PGM2L1: variants seen among roughly 807,000 people sequenced by gnomAD.
PGM2L1 encodes glucose 1,6-bisphosphate synthase.
In PGM2L1, 35 loss-of-function variants were observed where a neutral mutation model predicts 73.4. The observed-to-expected ratio is 0.48, with a 90% CI of 0.36 to 0.63. PGM2L1 has a LOEUF of 0.63. PGM2L1 is among the 30% of genes least tolerant of loss of function. PGM2L1 has a pLI of 0.00. For synonymous variants in PGM2L1, 225 were observed against 253.8 expected, an observed-to-expected ratio of 0.89 and a Z score of 1.08; for missense variants, 570 against 742.0, an observed-to-expected ratio of 0.77 and a Z score of 2.69.
At position 74,347,337 on chromosome 11, in the gene PGM2L1, C is replaced by A; in HGVS notation, c.750G>T (p.Arg250Ser). ...MEDLKKICFY[R>S]ELNSKTTLKF... ...TCAAGGTGGTCTTCGAGTTTAACTC[C>A]CTGTAAAGGAAAATCAACATAAGAT... is the stretch of plus-strand genomic sequence containing the variant. The change falls in exon 7 of 14, where the codon AGG becomes AGT. Residue 250 changes from arginine to serine, a missense_variant and splice_region_variant. Transcript: ENST00000298198. 1.9e-6 allele frequency: 3 copies of A among 1,579,038 alleles called. No individual in the cohort carries two copies. The highest frequency in any genetic ancestry group is 2.4e-5 in the South Asian group (2 of 83,738).
intron 12 of PGM2L1, among the ~76,000 whole-genome samples, 186 bp downstream of exon 12, chr11:74,342,275 C>A (rs1260648012): frequency 6.6e-6 from 1 of 152,112 alleles, no homozygotes; most frequent in South Asian, 2.1e-4. Flanking sequence ...CCCAACCCCA[C>A]CCCTAGTACA....
chr11:74,379,529 T>C (rs1325911720), intron 1 of PGM2L1, among the ~76,000 whole-genome samples: 1 of 152,216 alleles, frequency 6.6e-6, no homozygotes, highest in African/African-American at 2.4e-5. Flanking sequence ...ACTCTATTAG[T>C]ATTCTAGTAC....
At position 74,336,423 on chromosome 11, in the gene PGM2L1, CTT is replaced by C. The variant is rs769837928; in HGVS notation, c.*227_*228del. 223 of 315,902 alleles carry C rather than the reference CTT, an allele frequency of 7.1e-4. 1 individual carries two copies. The highest frequency in any genetic ancestry group is 1.0e-3 in the Non-Finnish European group (172 of 172,864). 19.6% of individuals were successfully genotyped at this position (315,902 alleles called of 1,614,324 possible). A position where few individuals can be genotyped will look rare whatever the true frequency, so the allele number is the denominator to read the frequency against. ...TACTATAATACTTTTAGTGTAATAA[CTT>C]TTGTTTGAATTATGAAAAAATTTGA... On this transcript the variant is annotated 3_prime_UTR_variant, in exon 14 of 14. Transcript: ENST00000298198.
Position 74,338,370 on chromosome 11 carries a change from C to A in PGM2L1, c.1766+98G>T. The A allele has an allele frequency of 2.6e-6, 3 of 1,147,890 alleles. No individual in the cohort carries two copies. The South Asian group carries it at 8.1e-5, about 31-fold the overall frequency. 71.1% of individuals were successfully genotyped at this position (1,147,890 alleles called of 1,614,324 possible). On this transcript the variant is annotated intron_variant, in intron 13 of 13. Transcript: ENST00000298198. The stretch of plus-strand genomic sequence containing the variant: ...TGCACAACTTTGAACATACTAAAAG[C>A]CACTGAATTGTACATTTTAAGTGCG...
Position 74,336,488 on chromosome 11 carries a change from CT to C in PGM2L1, c.*163del. 1 of 412,906 alleles carries C rather than the reference CT, an allele frequency of 2.4e-6. No homozygotes were observed. The allele number at this position is 412,906 out of a possible 1,614,324, so 25.6% of individuals were successfully genotyped here. On this transcript the variant is annotated 3_prime_UTR_variant, in exon 14 of 14. Coordinates refer to ENST00000298198, the MANE Select transcript of PGM2L1 (RefSeq NM_173582.6). Reference sequence around the variant, plus strand: ...TAGACCATTTCATTTCAAACTTATACTTTGTTTAGTCTAGCCAGTTGACCAA... The same window carrying C: ...TAGACCATTTCATTTCAAACTTATACTTGTTTAGTCTAGCCAGTTGACCAA...
At chr11:74,383,295 G>A (rs1390328095) in intron 1 of PGM2L1, among the ~76,000 whole-genome samples, 3 of 151,858 alleles carry the variant, frequency 2.0e-5, no homozygotes, top group African/African-American at 7.3e-5. Flanking sequence ...AACCATACAT[G>A]CAATACAATT....
intron 3 of PGM2L1, 27 bp from the exon 4 acceptor site, chr11:74,371,013 C>T: frequency 6.3e-7 from 1 of 1,574,914 alleles, no homozygotes; most frequent in Non-Finnish European, 8.7e-7. Flanking sequence ...TTAACTTAGT[C>T]CTTTGCCTAC....
chr11:74,397,354 G>A (rs1373625629), intron 1 of PGM2L1, among the ~76,000 whole-genome samples: 2 of 152,076 alleles, frequency 1.3e-5, no homozygotes, highest in Non-Finnish European at 2.9e-5. Context: ...CTTGGAGGTG[G>A]GGGCGGAGGG....
intron 1 of PGM2L1, 58 bp downstream of exon 1, chr11:74,397,993 G>C: frequency 6.6e-7 from 1 of 1,514,722 alleles, no homozygotes; most frequent in Non-Finnish European, 8.9e-7. Context: ...GTGGGCACAG[G>C]AAAGAGCAGA....
chr11:74,380,506 GAAT>G (rs1401094613), intron 1 of PGM2L1, among the ~76,000 whole-genome samples: 1 of 151,754 alleles, frequency 6.6e-6, no homozygotes, highest in Non-Finnish European at 1.5e-5. Flanking sequence ...AGATTTATTT[GAAT>G]AATTGCTTAA....
chr11:74,380,059 C>T (rs1862915744), intron 1 of PGM2L1, among the ~76,000 whole-genome samples: 1 of 152,132 alleles, frequency 6.6e-6, no homozygotes, highest in Non-Finnish European at 1.5e-5. Context: ...CTGACAGAGA[C>T]TTGTGTCTAA....
At chr11:74,395,147 ATATTT>A (rs1863154586) in intron 1 of PGM2L1, among the ~76,000 whole-genome samples, 1 of 152,140 alleles carries the variant, frequency 6.6e-6, no homozygotes, top group Admixed American at 6.5e-5. Flanking sequence ...GAAATTTATT[ATATTT>A]ATTAAATAAT....
At chr11:74,341,823 T>C (rs1862187663) in intron 12 of PGM2L1, among the ~76,000 whole-genome samples, 2 of 152,060 alleles carry the variant, frequency 1.3e-5, no homozygotes. Context: ...TCCTTAATTA[T>C]ATGCTAAATA....
At chr11:74,341,434 G>A (rs1280478470) in intron 12 of PGM2L1, among the ~76,000 whole-genome samples, 1 of 152,178 alleles carries the variant, frequency 6.6e-6, no homozygotes, top group Non-Finnish European at 1.5e-5. Flanking sequence ...GCTCATGCCT[G>A]TAATCCTAGC....
chr11:74,346,003 G>A (rs1009352871), intron 8 of PGM2L1, among the ~76,000 whole-genome samples: 5 of 151,994 alleles, frequency 3.3e-5, no homozygotes, highest in Non-Finnish European at 7.4e-5. Context: ...GGTGGCTCAT[G>A]CCTGTAATCG....
rs1862696864 is a variant in PGM2L1 at position 74,368,495 on chromosome 11, G to A, written c.552C>T (p.Tyr184=). 1 of 1,610,620 alleles carries A rather than the reference G, an allele frequency of 6.2e-7. No individual in the cohort carries two copies. Among genetic ancestry groups the A allele is most frequent in the African/African-American group, 1.3e-5 (1 of 74,834 alleles). Residue 184 remains tyrosine (Y), a synonymous_variant, in exon 5 of 14, where the codon TAC becomes TAT. Coordinates refer to ENST00000298198, the MANE Select transcript of PGM2L1 (RefSeq NM_173582.6). The part of the protein sequence containing the change: ...ASHNRKEDNG[Y]KVYWETGAQI... The stretch of plus-strand genomic sequence containing the variant: ...AGGTCAGGAGTCCAAGGTTTACCTT[G>A]TATCCATTGTCTTCCTTGCGGTTGT...
chr11:74,349,829 T>C (rs1391530423), intron 6 of PGM2L1, among the ~76,000 whole-genome samples: 1 of 152,172 alleles, frequency 6.6e-6, no homozygotes, highest in African/African-American at 2.4e-5. Context: ...CATATATATG[T>C]GTATGTCTAT....
intron 13 of PGM2L1, among the ~76,000 whole-genome samples, chr11:74,337,247 G>A (rs1862111737): frequency 6.6e-6 from 1 of 152,214 alleles, no homozygotes; most frequent in African/African-American, 2.4e-5. Context: ...TGCTGCCGTT[G>A]CCCAGAACAT....
chr11:74,396,086 T>TAAA (rs560577211), intron 1 of PGM2L1, among the ~76,000 whole-genome samples: 1 of 146,220 alleles, frequency 6.8e-6, no homozygotes, highest in African/African-American at 2.5e-5. Context: ...ACCCCATTTC[T>TAAA]AAAAAAAAAA....
Sources: gnomAD v4.1 joint callset for allele counts (sites outside exome capture counted in the v4.1 genomes callset) on GRCh38, gnomAD v4.1.1 for gene constraint, MANE v1.5 for transcripts, NCBI Gene and HGNC (gene_info 2026-07-23, HGNC 2026-07-21) for gene names.